The following LNX1 variants were observed in gnomAD, a reference collection of about 807,000 sequenced individuals.
LNX1 encodes E3 ubiquitin-protein ligase LNX.
LNX1 carries 54 observed loss-of-function variants against 68.4 expected under a neutral mutation model. The ratio of observed to expected loss-of-function variants is 0.79; its 90% CI spans 0.63 to 0.99. LNX1 has a LOEUF of 0.99. Among genes scored for constraint, LNX1 ranks in the 50% least tolerant of loss-of-function variants. LNX1 has a pLI of 0.00. For missense variants in LNX1, 906 were observed against 926.4 expected (o/e 0.98, Z 0.29); for synonymous variants, 336 against 350.0 (o/e 0.96, Z 0.45).
intron 2 of LNX1, among the ~76,000 whole-genome samples, chr4:53,550,946 G>A (rs1221107368): frequency 1.3e-5 from 2 of 152,206 alleles, no homozygotes; most frequent in African/African-American, 2.4e-5. Flanking sequence ...AGCCTGGAAC[G>A]CCCAGCTGGG....
chr4:53,644,619 G>A (rs2109889679), intron 1 of LNX1, among the ~76,000 whole-genome samples: 1 of 152,234 alleles, frequency 6.6e-6, no homozygotes. Context: ...GCAAATACCT[G>A]GGAACTCATA....
intron 1 of LNX1, among the ~76,000 whole-genome samples, chr4:53,640,036 C>CA (rs1008121150): frequency 2.4e-4 from 35 of 147,118 alleles, no homozygotes; most frequent in East Asian, 5.9e-4. Flanking sequence ...GACTCTGTCT[C>CA]AAAAAAAAAT....
intron 2 of LNX1, among the ~76,000 whole-genome samples, chr4:53,565,008 G>A (rs996937967): frequency 2.0e-5 from 3 of 152,204 alleles, no homozygotes; most frequent in Non-Finnish European, 2.9e-5. Flanking sequence ...ACCCCACGGA[G>A]TCTCGCTGAT....
At chr4:53,641,388 T>C (rs541394225) in intron 1 of LNX1, among the ~76,000 whole-genome samples, 1 of 152,360 alleles carries the variant, frequency 6.6e-6, no homozygotes, top group South Asian at 2.1e-4. Flanking sequence ...AGCTGATGAA[T>C]TTTTAATGAG....
At chr4:53,466,542 C>T (rs1223933782) in intron 9 of LNX1, among the ~76,000 whole-genome samples, 2 of 152,136 alleles carry the variant, frequency 1.3e-5, no homozygotes, top group African/African-American at 2.4e-5. Context: ...GGCAAGGCGT[C>T]GCCTCACCCG....
chr4:53,460,684 G>A lies in LNX1; in HGVS notation c.*223C>T, dbSNP rs185798934. 7.7e-4 allele frequency: 362 copies of A among 469,332 alleles called. 2 individuals are homozygous for A. The highest frequency in any genetic ancestry group is 3.9e-3 in the African/African-American group (192 of 48,866). 29.1% of individuals were successfully genotyped at this position (469,332 alleles called of 1,614,324 possible). ...TAGAAAAAATATAAACAATGTTGTAGAGTAATGAGAAATCCTCCACACTGA... is the reference window on the plus strand; with the variant it reads ...TAGAAAAAATATAAACAATGTTGTAAAGTAATGAGAAATCCTCCACACTGA... On this transcript the variant is annotated 3_prime_UTR_variant, in exon 11 of 11. Coordinates refer to ENST00000263925, the MANE Select transcript of LNX1 (RefSeq NM_001126328.3).
chr4:53,545,591 A>C (rs1221944992), intron 2 of LNX1, among the ~76,000 whole-genome samples: 5 of 152,106 alleles, frequency 3.3e-5, no homozygotes, highest in Non-Finnish European at 5.9e-5. Context: ...CATCACCATT[A>C]ATTTCTCATC....
intron 2 of LNX1, among the ~76,000 whole-genome samples, chr4:53,554,918 C>T (rs1257096903): frequency 6.6e-6 from 1 of 151,942 alleles, no homozygotes; most frequent in African/African-American, 2.4e-5. Flanking sequence ...GGGCCACATG[C>T]CAAATTTGAA....
At chr4:53,511,814 A>G (rs1056637015) in intron 2 of LNX1, among the ~76,000 whole-genome samples, 1 of 152,194 alleles carries the variant, frequency 6.6e-6, no homozygotes, top group Non-Finnish European at 1.5e-5. Context: ...TATCCTCTGC[A>G]AAGGTCACCC....
chr4:53,581,925 T>G (rs1332322546), intron 1 of LNX1, among the ~76,000 whole-genome samples: 1 of 152,252 alleles, frequency 6.6e-6, no homozygotes, highest in Non-Finnish European at 1.5e-5. Context: ...TTGAATACAT[T>G]TTGATCTTTT....
chr4:53,552,716 C>G (rs550189651), intron 2 of LNX1, among the ~76,000 whole-genome samples: 103 of 151,224 alleles, frequency 6.8e-4, no homozygotes, highest in Admixed American at 2.1e-3. Flanking sequence ...GTAGTCCCAG[C>G]TACTCGGGAG....
chr4:53,606,805 C>A (rs960427710), intron 2 of LNX1, among the ~76,000 whole-genome samples: 3 of 152,114 alleles, frequency 2.0e-5, no homozygotes, highest in African/African-American at 7.2e-5. Context: ...CTTCAACATA[C>A]ACAAATCAAT....
chr4:53,532,888 T>C (rs1480292724), intron 2 of LNX1, among the ~76,000 whole-genome samples: 3 of 150,736 alleles, frequency 2.0e-5, no homozygotes, highest in African/African-American at 7.3e-5. Context: ...GCTGCCAGCA[T>C]CATCTGTTCC....
chr4:53,550,421 G>A lies in LNX1; in HGVS notation c.380+23202C>T, dbSNP rs118183423. ...TTCTACTTCAGATGCTCAAAACACA[G>A]GACAAGACAAATCCAGGGATCAGCA... On this transcript the variant is annotated intron_variant, in intron 2 of 10. Transcript: ENST00000263925. Among the ~76,000 whole-genome samples the A allele has an allele frequency of 7.0e-4, 107 of 152,234 alleles. No homozygotes were observed. In the East Asian group the frequency reaches 0.019, roughly 27 times the overall value.
chr4:53,463,173 A>ATAT (rs2150554066), intron 9 of LNX1, among the ~76,000 whole-genome samples: 1 of 152,218 alleles, frequency 6.6e-6, no homozygotes, highest in South Asian at 2.1e-4. Flanking sequence ...ACCATCAAAA[A>ATAT]TATTACGTGT....
At chr4:53,471,102 T>A in intron 9 of LNX1, among the ~76,000 whole-genome samples, 1 of 124,942 alleles carries the variant, frequency 8.0e-6, no homozygotes, top group Non-Finnish European at 1.7e-5. Context: ...ACTACAAGGC[T>A]ACAGTAACCA....
intron 9 of LNX1, among the ~76,000 whole-genome samples, chr4:53,470,359 T>C (rs1041552232): frequency 1.0e-3 from 152 of 152,334 alleles, no homozygotes; most frequent in Non-Finnish European, 1.8e-3. Flanking sequence ...AAGAGCTATC[T>C]GTGACAAACC....
At chr4:53,571,175 A>C (rs1453919357) in intron 2 of LNX1, among the ~76,000 whole-genome samples, 1 of 151,772 alleles carries the variant, frequency 6.6e-6, no homozygotes, top group Non-Finnish European at 1.5e-5. Context: ...TTGGGCCACC[A>C]TGCCCAGCTA....
chr4:53,484,088 G>A (rs148277048), intron 6 of LNX1, among the ~76,000 whole-genome samples: 1 of 152,286 alleles, frequency 6.6e-6, no homozygotes, highest in East Asian at 1.9e-4. Flanking sequence ...CTGTGAGGAA[G>A]TAGCCATCCC....
Sources: allele counts gnomAD v4.1 joint callset (sites outside exome capture counted in the v4.1 genomes callset), GRCh38; gene constraint gnomAD v4.1.1; transcripts MANE v1.5; gene names NCBI Gene and HGNC (gene_info 2026-07-23, HGNC 2026-07-21).